The following CCDC91 variants were observed in gnomAD, a reference collection of about 807,000 sequenced individuals.
The protein encoded by CCDC91 is coiled-coil domain containing 91, also known as coiled-coil domain-containing protein 91.
In CCDC91, 48 loss-of-function variants were observed where a neutral mutation model predicts 63.2. The ratio of observed to expected loss-of-function variants is 0.76; its 90% CI spans 0.60 to 0.97. The LOEUF (loss-of-function observed/expected upper bound fraction) is 0.97, where lower values mean the gene tolerates loss of function less well. Ranked by LOEUF, CCDC91 falls within the 50% of genes least tolerant of loss-of-function variation. The pLI is 0.00. For missense variants in CCDC91, 500 were observed against 494.6 expected (o/e 1.01, Z -0.10); for synonymous variants, 167 against 165.8 (o/e 1.01, Z -0.06).
At chr12:28,387,517 G>T (rs952330432) in intron 7 of CCDC91, among the ~76,000 whole-genome samples, 1 of 152,122 alleles carries the variant, frequency 6.6e-6, no homozygotes, top group African/African-American at 2.4e-5. Flanking sequence ...AACCCAATTT[G>T]TAGACTTTTA....
chr12:28,217,033 C>G (rs915642322), intron 1 of CCDC91, among the ~76,000 whole-genome samples: 1 of 152,042 alleles, frequency 6.6e-6, no homozygotes, highest in Non-Finnish European at 1.5e-5. Flanking sequence ...TACTACTCAG[C>G]AATAACAATG....
At chr12:28,393,498 G>T (rs1035692658) in intron 8 of CCDC91, among the ~76,000 whole-genome samples, 4 of 151,794 alleles carry the variant, frequency 2.6e-5, no homozygotes, top group Admixed American at 2.0e-4. Flanking sequence ...TTATTGCAGA[G>T]ATATGTTCAT....
intron 8 of CCDC91, among the ~76,000 whole-genome samples, chr12:28,415,969 G>GTT (rs71039895): frequency 1.7e-4 from 25 of 148,670 alleles, no homozygotes; most frequent in Admixed American, 3.4e-4. Context: ...TGAGGAATGT[G>GTT]TTTTTTTTTT....
chr12:28,524,954 A>G (rs1049242827), intron 12 of CCDC91, among the ~76,000 whole-genome samples: 4 of 152,048 alleles, frequency 2.6e-5, no homozygotes, highest in Non-Finnish European at 5.9e-5. Context: ...CTCCCATTTC[A>G]TTTCTAATTG....
chr12:28,478,914 T>C (rs1406046593), intron 11 of CCDC91, among the ~76,000 whole-genome samples: 2 of 152,172 alleles, frequency 1.3e-5, no homozygotes, highest in African/African-American at 2.4e-5. Flanking sequence ...CACAATGAGA[T>C]ACCATCTCAC....
chr12:28,324,102 T>C (rs1432946670), intron 6 of CCDC91, among the ~76,000 whole-genome samples: 2 of 151,674 alleles, frequency 1.3e-5, no homozygotes, highest in Admixed American at 6.6e-5. Flanking sequence ...CCAAGAGAAA[T>C]ACAGAGATCT....
chr12:28,210,939 AT>A (rs952381523), intron 1 of CCDC91, among the ~76,000 whole-genome samples: 4 of 151,148 alleles, frequency 2.6e-5, no homozygotes, highest in East Asian at 3.9e-4. Context: ...ATTTATTATT[AT>A]TTTTTTCTTT....
rs1949865563 is a variant in CCDC91, at chr12:28,452,619, C to T, written c.1066C>T (p.Gln356Ter). Residue 356 changes from glutamine to a stop codon, truncating the protein, a stop_gained, in exon 11 of 13, where the codon CAA becomes TAA. Coordinates refer to ENST00000536442, the MANE Select transcript of CCDC91 (RefSeq NM_018318.5). LOFTEE classifies it high-confidence loss of function. Reference protein sequence around the residue: ...KDQEKVSQEIQKAIQEQRKIS... With the variant: ...KDQEKVSQEI ...TCAAGAAAAAGTATCTCAGGAAATT[C>T]AAAAAGCTATACAAGAACAAAGAAA... 6.4e-7 allele frequency: 1 copy of T among 1,567,114 alleles called. No homozygotes were observed. The highest frequency in any genetic ancestry group is 8.6e-7 in the Non-Finnish European group (1 of 1,157,402).
intron 11 of CCDC91, among the ~76,000 whole-genome samples, chr12:28,456,040 G>A (rs1175430239): frequency 2.6e-5 from 4 of 152,034 alleles, no homozygotes; most frequent in African/African-American, 9.7e-5. Flanking sequence ...TCTCATCTTA[G>A]TATAAAGTAC....
At chr12:28,337,411 T>C (rs1187278969) in intron 6 of CCDC91, among the ~76,000 whole-genome samples, 1 of 152,154 alleles carries the variant, frequency 6.6e-6, no homozygotes, top group Non-Finnish European at 1.5e-5. Context: ...ATCTTAGCAA[T>C]GAAACATGCT....
chr12:28,289,690 T>C (rs1201615210), intron 3 of CCDC91, among the ~76,000 whole-genome samples: 17 of 84,600 alleles, frequency 2.0e-4, no homozygotes, highest in African/African-American at 5.2e-4. Flanking sequence ...CTTTTCTTTT[T>C]TTTTTTTTTT....
At chr12:28,228,012 A>G (rs570091726) in intron 1 of CCDC91, among the ~76,000 whole-genome samples, 1 of 152,178 alleles carries the variant, frequency 6.6e-6, no homozygotes, top group African/African-American at 2.4e-5. Context: ...ACACTCTAAA[A>G]GACAGTTATT....
At chr12:28,385,194 A>G (rs1273980767) in intron 7 of CCDC91, among the ~76,000 whole-genome samples, 2 of 152,130 alleles carry the variant, frequency 1.3e-5, no homozygotes, top group Non-Finnish European at 2.9e-5. Context: ...TTTTTCCAAG[A>G]AAGGTGAAAT....
At chr12:28,257,574 T>C (rs1310767415) in intron 2 of CCDC91, among the ~76,000 whole-genome samples, 2 of 152,122 alleles carry the variant, frequency 1.3e-5, no homozygotes, top group East Asian at 3.9e-4. Context: ...TAGGAAATAC[T>C]TGTGAGATGA....
chr12:28,362,074 G>A (rs886397190), intron 6 of CCDC91, among the ~76,000 whole-genome samples: 1 of 151,926 alleles, frequency 6.6e-6, no homozygotes, highest in African/African-American at 2.4e-5. Flanking sequence ...TCAAACTTTG[G>A]GATGTATTAG....
At chr12:28,243,416 G>T (rs1945479351) in intron 1 of CCDC91, among the ~76,000 whole-genome samples, 3 of 152,088 alleles carry the variant, frequency 2.0e-5, no homozygotes, top group Admixed American at 2.0e-4. Context: ...GTATGCCAAG[G>T]CAACATAAAA....
At chr12:28,478,954 C>T (rs1592792426) in intron 11 of CCDC91, among the ~76,000 whole-genome samples, 1 of 152,070 alleles carries the variant, frequency 6.6e-6, no homozygotes, top group African/African-American at 2.4e-5. Context: ...ATTAAAATAT[C>T]GGGAAACAAC....
intron 7 of CCDC91, among the ~76,000 whole-genome samples, chr12:28,380,091 G>A (rs549322174): frequency 3.9e-5 from 6 of 152,046 alleles, no homozygotes; most frequent in Non-Finnish European, 5.9e-5. Flanking sequence ...ACCAAACACC[G>A]CATGTTTTCA....
chr12:28,521,470 G>A (rs1940655823), intron 12 of CCDC91, among the ~76,000 whole-genome samples: 1 of 152,066 alleles, frequency 6.6e-6, no homozygotes, highest in African/African-American at 2.4e-5. Context: ...AGGAGATTTG[G>A]GGCTGAGACG....
Sources: allele counts gnomAD v4.1 joint callset (sites outside exome capture counted in the v4.1 genomes callset), GRCh38; gene constraint gnomAD v4.1.1; transcripts MANE v1.5; gene names NCBI Gene and HGNC (gene_info 2026-07-23, HGNC 2026-07-21).